NSMCE2: variants seen among roughly 807,000 people sequenced by gnomAD.
The protein encoded by NSMCE2 is E3 SUMO-protein ligase NSE2.
Under a neutral mutation model 23.8 loss-of-function variants are expected in NSMCE2, and 24 were observed. The ratio of observed to expected loss-of-function variants is 1.01; its 90% CI spans 0.73 to 1.42. The LOEUF (loss-of-function observed/expected upper bound fraction) is 1.42. Ranked by LOEUF, NSMCE2 falls within the 40% of genes most tolerant of loss-of-function variation. The pLI is 0.00. For synonymous variants in NSMCE2, 92 were observed against 94.1 expected (o/e 0.98, Z 0.13); for missense variants, 284 against 296.5 (o/e 0.96, Z 0.31).
rs1444386088 is a variant in NSMCE2 at position 125,151,137 on chromosome 8, G to A, written c.158-34G>A. On this transcript the variant is annotated intron_variant, in intron 3 of 7. Coordinates refer to ENST00000287437, the MANE Select transcript of NSMCE2 (RefSeq NM_173685.4). ...TTTTTCCAGATATGGCATTTTAAATGGAAAATAATAATTGCAATTTTTTTT... is the reference window on the plus strand; with the variant it reads ...TTTTTCCAGATATGGCATTTTAAATAGAAAATAATAATTGCAATTTTTTTT... 2.6e-6 allele frequency: 3 copies of A among 1,154,618 alleles called. No individual in the cohort carries two copies. In the African/African-American group the frequency reaches 4.5e-5, roughly 17 times the overall value. The allele number at this position is 1,154,618 out of a possible 1,614,324, so 71.5% of individuals were successfully genotyped here.
intron 5 of NSMCE2, among the ~76,000 whole-genome samples, chr8:125,230,077 A>G (rs911752265): frequency 1.3e-5 from 2 of 152,244 alleles, no homozygotes; most frequent in Non-Finnish European, 2.9e-5. Flanking sequence ...TGTGTAGCAT[A>G]TAACACAAAT....
chr8:125,121,673 CTAATT>C (rs976475338), intron 3 of NSMCE2, among the ~76,000 whole-genome samples: 3 of 152,122 alleles, frequency 2.0e-5, no homozygotes, highest in African/African-American at 7.2e-5. Flanking sequence ...TTTGTAGACT[CTAATT>C]TAATAGGCAA....
At chr8:125,101,692 A>T (rs995556187) in intron 1 of NSMCE2, among the ~76,000 whole-genome samples, 1 of 152,208 alleles carries the variant, frequency 6.6e-6, no homozygotes, top group South Asian at 2.1e-4. Flanking sequence ...TAGATTAGGA[A>T]GTGTTAAATA....
At chr8:125,210,208 A>G (rs538490666) in intron 5 of NSMCE2, among the ~76,000 whole-genome samples, 8 of 152,350 alleles carry the variant, frequency 5.3e-5, no homozygotes, top group East Asian at 1.9e-4. Flanking sequence ...TGGAGATTCA[A>G]TGAATTTATA....
chr8:125,276,237 C>T (rs1168013047), intron 5 of NSMCE2, among the ~76,000 whole-genome samples: 6 of 152,208 alleles, frequency 3.9e-5, no homozygotes, highest in Admixed American at 3.3e-4. Context: ...TCAATATAGC[C>T]TTCCAGGAAG....
intron 5 of NSMCE2, among the ~76,000 whole-genome samples, chr8:125,186,315 G>A (rs532671382): frequency 5.9e-5 from 9 of 152,260 alleles, no homozygotes; most frequent in South Asian, 4.1e-4. Flanking sequence ...AAAACTTACC[G>A]TATTTATTAT....
intron 5 of NSMCE2, among the ~76,000 whole-genome samples, chr8:125,339,834 C>CT (rs774476409): frequency 1.4e-4 from 21 of 152,224 alleles, no homozygotes; most frequent in Non-Finnish European, 2.8e-4. Flanking sequence ...GTTTCCTTGT[C>CT]TATTTCAACC....
At chr8:125,161,103 A>G (rs1207631979) in intron 4 of NSMCE2, among the ~76,000 whole-genome samples, 1 of 152,072 alleles carries the variant, frequency 6.6e-6, no homozygotes, top group Non-Finnish European at 1.5e-5. Context: ...TGGTAAGGAA[A>G]AGTTCTTTCA....
chr8:125,123,582 A>C (rs987384645), intron 3 of NSMCE2, among the ~76,000 whole-genome samples: 3 of 152,252 alleles, frequency 2.0e-5, no homozygotes, highest in African/African-American at 7.2e-5. Flanking sequence ...GCTAACCCAC[A>C]TGTGTACATG....
chr8:125,320,233 A>AGGGAAGGGAGGGAGGGAGGG (rs1280474045), intron 5 of NSMCE2, among the ~76,000 whole-genome samples: 6 of 20,422 alleles, frequency 2.9e-4, no homozygotes, highest in Admixed American at 6.6e-4. Context: ...GGAGGGAGGG[A>AGGGAAGGGAGGGAGGGAGGG]AGGGAGGGAG....
At chr8:125,188,357 T>G (rs150579557) in intron 5 of NSMCE2, among the ~76,000 whole-genome samples, 1 of 152,302 alleles carries the variant, frequency 6.6e-6, no homozygotes, top group Non-Finnish European at 1.5e-5. Context: ...CAGTGTAGTA[T>G]TACCATAGCA....
At chr8:125,110,759 G>GTTTTTTTTT (rs1387354813) in intron 3 of NSMCE2, among the ~76,000 whole-genome samples, 13 of 58,118 alleles carry the variant, frequency 2.2e-4, no homozygotes, top group African/African-American at 8.0e-4. Flanking sequence ...TTTGGTTGTT[G>GTTTTTTTTT]TTGTTTTTTT....
At chr8:125,356,326 G>GT (rs747884264) in intron 5 of NSMCE2, among the ~76,000 whole-genome samples, 33,952 of 105,470 alleles carry the variant, frequency 0.32, 7,492 homozygotes, top group East Asian at 0.47. Context: ...TAATTTTTTG[G>GT]TTTTTTTTTT....
chr8:125,350,765 T>A (rs1437133474), intron 5 of NSMCE2, among the ~76,000 whole-genome samples: 1 of 152,108 alleles, frequency 6.6e-6, no homozygotes, highest in Non-Finnish European at 1.5e-5. Flanking sequence ...TTGCCTCTCA[T>A]TGGGTCCTTC....
intron 4 of NSMCE2, among the ~76,000 whole-genome samples, chr8:125,173,178 A>G (rs1041101895): frequency 1.3e-5 from 2 of 152,202 alleles, no homozygotes; most frequent in Admixed American, 6.5e-5. Flanking sequence ...CAGAATTGCT[A>G]GGTTGCAGTT....
At chr8:125,355,320 G>A (rs1813209567) in intron 5 of NSMCE2, among the ~76,000 whole-genome samples, 1 of 152,070 alleles carries the variant, frequency 6.6e-6, no homozygotes, top group African/African-American at 2.4e-5. Context: ...AATTAAAGAA[G>A]GAAGGGAAGG....
intron 5 of NSMCE2, among the ~76,000 whole-genome samples, chr8:125,282,580 C>T (rs1827737099): frequency 6.6e-6 from 1 of 152,196 alleles, no homozygotes; most frequent in Non-Finnish European, 1.5e-5. Flanking sequence ...TGGCTTGGGG[C>T]TTTTGTCTTT....
At chr8:125,107,885 T>C (rs938248247) in intron 3 of NSMCE2, among the ~76,000 whole-genome samples, 8 of 151,850 alleles carry the variant, frequency 5.3e-5, no homozygotes, top group Non-Finnish European at 7.4e-5. Flanking sequence ...CATACAAAAA[T>C]TAGCCAGGCA....
intron 4 of NSMCE2, among the ~76,000 whole-genome samples, chr8:125,172,085 TTGTC>T (rs1245788475): frequency 6.6e-6 from 1 of 152,226 alleles, no homozygotes; most frequent in Admixed American, 6.5e-5. Context: ...AAGAAATTGA[TTGTC>T]TGAGTGGTGA....
Sources: allele counts gnomAD v4.1 joint callset (sites outside exome capture counted in the v4.1 genomes callset), GRCh38; gene constraint gnomAD v4.1.1; transcripts MANE v1.5; gene names NCBI Gene and HGNC (gene_info 2026-07-23, HGNC 2026-07-21).